Variants in NTM observed in about 807,000 individuals in gnomAD.
The protein encoded by NTM is neurotrimin.
Under a neutral mutation model 42.1 loss-of-function variants are expected in NTM, and 13 were observed. The ratio of observed to expected loss-of-function variants is 0.31; its 90% confidence interval spans 0.20 to 0.49. The LOEUF is 0.49. Ranked by LOEUF, NTM falls within the 20% of genes least tolerant of loss-of-function variation. The probability of loss-of-function intolerance (pLI) is 0.99; values close to 1 mark genes in which losing one functional copy is unlikely to be tolerated. For synonymous variants in NTM, 187 were observed against 179.2 expected, an observed-to-expected ratio of 1.04 and a Z score of -0.35; for missense variants, 373 against 452.8, an observed-to-expected ratio of 0.82 and a Z score of 1.60.
chr11:131,714,508 T>C (rs1477240378), intron 1 of NTM, among the ~76,000 whole-genome samples: 1 of 152,150 alleles, frequency 6.6e-6, no homozygotes, highest in Non-Finnish European at 1.5e-5. Flanking sequence ...TTTCTATCTA[T>C]TGGGAGACTC....
Position 131,789,599 on chromosome 11 carries a change from A to G in NTM, c.83-121965A>G, listed in dbSNP as rs1420655471. 2.2e-4 allele frequency among the ~76,000 whole-genome samples: 16 copies of G among 71,242 alleles called. 1 individual carries two copies. The highest frequency in any genetic ancestry group is 7.6e-4 in the South Asian group (2 of 2,618). 46.7% of individuals were successfully genotyped at this position (71,242 alleles called of 152,430 possible). A position where few individuals can be genotyped will look rare whatever the true frequency, so the allele number is the denominator to read the frequency against. Reference sequence around the variant, plus strand: ...GAAGAAGAAGAAGAAGAAGAAGAAGAAGAAGAAGAAGAAGAAGAAGAAGAA... The same window carrying G: ...GAAGAAGAAGAAGAAGAAGAAGAAGGAGAAGAAGAAGAAGAAGAAGAAGAA... On this transcript the variant is annotated intron_variant, in intron 1 of 8. Coordinates refer to ENST00000683400, the MANE Select transcript of NTM (RefSeq NM_001352005.2).
At chr11:131,565,298 C>A (rs2056756885) in intron 1 of NTM, among the ~76,000 whole-genome samples, 1 of 152,210 alleles carries the variant, frequency 6.6e-6, no homozygotes, top group Non-Finnish European at 1.5e-5. Context: ...GTGCCCTTAT[C>A]CATGCTTGTC....
chr11:131,883,965 T>C (rs2049960292), intron 1 of NTM, among the ~76,000 whole-genome samples: 1 of 152,204 alleles, frequency 6.6e-6, no homozygotes, highest in African/African-American at 2.4e-5. Flanking sequence ...AGTGGCCATA[T>C]GATAGCTACA....
chr11:131,794,645 G>GAATT, intron 1 of NTM: 2 of 985,214 alleles, frequency 2.0e-6, no homozygotes, highest in Non-Finnish European at 2.4e-6. Flanking sequence ...ATGAATGAAT[G>GAATT]AGTAGTGCAT....
chr11:131,755,545 G>A (rs753708531), intron 1 of NTM, among the ~76,000 whole-genome samples: 28 of 152,070 alleles, frequency 1.8e-4, no homozygotes, highest in Non-Finnish European at 5.9e-5. Flanking sequence ...CAATATTTGG[G>A]ACATATATTT....
chr11:131,401,787 C>G (rs1178498555), intron 1 of NTM, among the ~76,000 whole-genome samples: 3 of 84,228 alleles, frequency 3.6e-5, no homozygotes, highest in Non-Finnish European at 7.0e-5. Flanking sequence ...TTATGTGAGT[C>G]AGGCCACTGG....
rs147891357 is a variant in NTM at position 132,042,369 on chromosome 11, A to G, written c.168-103913A>G. Among the ~76,000 whole-genome samples, 16 of 152,338 alleles carry G rather than the reference A, an allele frequency of 1.1e-4. No homozygotes were observed. The East Asian group carries it at 2.9e-3, about 28-fold the overall frequency. ...GGATGTTTATACTTCCTGCTGGTCA[A>G]TCAGATCTTTGTATGGGCTCCAGAT... On this transcript the variant is annotated intron_variant, in intron 2 of 8. Coordinates refer to ENST00000683400, the MANE Select transcript of NTM (RefSeq NM_001352005.2).
intron 2 of NTM, among the ~76,000 whole-genome samples, chr11:132,019,866 A>G (rs1009663190): frequency 6.6e-6 from 1 of 150,526 alleles, no homozygotes; most frequent in African/African-American, 2.4e-5. Context: ...TTTTTTTTTC[A>G]GGGGGTACAT....
chr11:131,659,642 GA>G (rs1251837134), intron 1 of NTM, among the ~76,000 whole-genome samples: 1 of 152,202 alleles, frequency 6.6e-6, no homozygotes, highest in Non-Finnish European at 1.5e-5. Context: ...ATACCGTTAG[GA>G]AAAGTTTCAG....
At chr11:131,411,067 C>T (rs1169499015) in intron 1 of NTM, among the ~76,000 whole-genome samples, 1 of 152,190 alleles carries the variant, frequency 6.6e-6, no homozygotes, top group African/African-American at 2.4e-5. Context: ...TGGCCATGTT[C>T]TGATGCAGTT....
chr11:132,063,173 C>T (rs7101746), intron 2 of NTM, among the ~76,000 whole-genome samples: 38,681 of 152,056 alleles, frequency 0.25, 5,309 homozygotes, highest in African/African-American at 0.34. Flanking sequence ...GGGGACTCTC[C>T]TCTCCCTTTT....
At chr11:131,931,449 A>T (rs2058596919) in intron 2 of NTM, among the ~76,000 whole-genome samples, 1 of 147,710 alleles carries the variant, frequency 6.8e-6, no homozygotes. Context: ...AAAAAAAAAA[A>T]TAATAATAAT....
intron 1 of NTM, among the ~76,000 whole-genome samples, chr11:131,484,963 A>G (rs1954001250): frequency 6.6e-6 from 1 of 152,226 alleles, no homozygotes; most frequent in African/African-American, 2.4e-5. Context: ...ATAAATACCA[A>G]GATTTTATAC....
At chr11:131,396,667 C>T (rs547344547) in intron 1 of NTM, among the ~76,000 whole-genome samples, 1 of 152,104 alleles carries the variant, frequency 6.6e-6, no homozygotes. Flanking sequence ...AACCCTGTCT[C>T]CACTAAAAAC....
chr11:131,776,911 C>G (rs1472166022), intron 1 of NTM, among the ~76,000 whole-genome samples: 1 of 152,124 alleles, frequency 6.6e-6, no homozygotes, highest in Non-Finnish European at 1.5e-5. Context: ...ATTACTTCTG[C>G]TCGATCCCAT....
At chr11:131,993,202 G>A (rs1354693073) in intron 2 of NTM, among the ~76,000 whole-genome samples, 2 of 152,196 alleles carry the variant, frequency 1.3e-5, no homozygotes, top group Non-Finnish European at 2.9e-5. Flanking sequence ...GTTTGGGAGA[G>A]AGAGGCTGCA....
chr11:131,611,456 C>A (rs1287979621), intron 1 of NTM, among the ~76,000 whole-genome samples: 1 of 152,178 alleles, frequency 6.6e-6, no homozygotes, highest in Non-Finnish European at 1.5e-5. Flanking sequence ...CAGGATAAAT[C>A]CTCCGGCTCT....
At chr11:132,132,947 C>G (rs866234957) in intron 2 of NTM, among the ~76,000 whole-genome samples, 59 of 152,206 alleles carry the variant, frequency 3.9e-4, no homozygotes, top group African/African-American at 1.4e-3. Context: ...AGTGCATTGT[C>G]AAGCTTTCAA....
In NTM at chr11:131,856,337, G is replaced by A. The variant is rs546548038; in HGVS notation, c.83-55227G>A. Among the ~76,000 whole-genome samples the A allele has an allele frequency of 4.6e-5, 7 of 151,406 alleles. No individual in the cohort carries two copies. The East Asian group carries it at 1.4e-3, about 29-fold the overall frequency. ...ATATTGCATAATTTTATAATTAAGA[G>A]ACAGAGATCATCTAATCTAAGAGTC... On this transcript the variant is annotated intron_variant, in intron 1 of 8. Transcript: ENST00000683400.
Sources: allele counts gnomAD v4.1 joint callset (sites outside exome capture counted in the v4.1 genomes callset), GRCh38; gene constraint gnomAD v4.1.1; transcripts MANE v1.5; gene names NCBI Gene and HGNC (gene_info 2026-07-23, HGNC 2026-07-21).